Variants in CACNA1C observed in about 807,000 individuals in gnomAD.
CACNA1C encodes voltage-dependent L-type calcium channel subunit alpha-1C.
Under a neutral mutation model 229.0 loss-of-function variants are expected in CACNA1C, and 30 were observed. That is an observed-to-expected ratio of 0.13 (90% CI 0.10 to 0.18). The LOEUF (loss-of-function observed/expected upper bound fraction) is 0.18, where lower values mean the gene tolerates loss of function less well. CACNA1C is among the 10% of genes least tolerant of loss of function. CACNA1C has a pLI of 1.00. For synonymous variants in CACNA1C, 1,114 were observed against 1,132.5 expected (o/e 0.98, Z 0.33); for missense variants, 1,658 against 2,845.0 (o/e 0.58, Z 9.49).
At chr12:2,269,880 A>G (rs181469920) in intron 3 of CACNA1C, 4 of 152,234 alleles carry the variant, frequency 2.6e-5, no homozygotes, top group Admixed American at 1.3e-4. Context: ...TGGGAGGAGG[A>G]CCATGAGGGA....
At chr12:2,652,072 A>C (rs1336294989) in intron 32 of CACNA1C, among the ~76,000 whole-genome samples, 2 of 152,172 alleles carry the variant, frequency 1.3e-5, no homozygotes, top group East Asian at 3.9e-4. Context: ...ACAAGAATTT[A>C]CTGGACAAAG....
In CACNA1C at chr12:2,077,583, G is replaced by A. The variant is rs148683849; in HGVS notation, c.49+23972G>A. Among the ~76,000 whole-genome samples the A allele has an allele frequency of 7.2e-5, 11 of 152,284 alleles. 1 individual carries two copies. Among genetic ancestry groups the A allele is most frequent in the African/African-American group, 2.6e-4 (11 of 41,566 alleles). ...TGTTGTAGATATGAGTGTGAACAAA[G>A]GAGAGAATAGGTTCAAAATAGCTAA... On this transcript the variant is annotated intron_variant, in intron 1 of 46. Coordinates refer to ENST00000399655, the MANE Select transcript of CACNA1C (RefSeq NM_000719.7).
intron 3 of CACNA1C, among the ~76,000 whole-genome samples, chr12:2,355,738 G>A (rs1361960920): frequency 6.6e-6 from 1 of 152,198 alleles, no homozygotes; most frequent in African/African-American, 2.4e-5. Flanking sequence ...GCAGTGTGTG[G>A]AGACAGATTT....
intron 3 of CACNA1C, among the ~76,000 whole-genome samples, chr12:2,408,405 A>T (rs1370381362): frequency 6.6e-6 from 1 of 152,086 alleles, no homozygotes; most frequent in Non-Finnish European, 1.5e-5. Context: ...TATGTTATGT[A>T]TATTTTACCA....
chr12:2,258,174 G>T (rs996328430), intron 3 of CACNA1C, among the ~76,000 whole-genome samples: 1 of 152,170 alleles, frequency 6.6e-6, no homozygotes. Context: ...CTTATTTCTG[G>T]TTATTTGCCA....
intron 3 of CACNA1C, among the ~76,000 whole-genome samples, chr12:2,202,340 A>G (rs922245094): frequency 1.3e-5 from 2 of 152,158 alleles, no homozygotes; most frequent in African/African-American, 4.8e-5. Context: ...TCTTTTTCCT[A>G]ATTTCATGAA....
At chr12:2,417,416 T>C (rs1402495087) in intron 3 of CACNA1C, among the ~76,000 whole-genome samples, 1 of 152,186 alleles carries the variant, frequency 6.6e-6, no homozygotes, top group Non-Finnish European at 1.5e-5. Context: ...TGGGTGCTTT[T>C]AAAAACGCTA....
chr12:2,339,073 C>A (rs748157059), intron 3 of CACNA1C, among the ~76,000 whole-genome samples: 1 of 152,140 alleles, frequency 6.6e-6, no homozygotes, highest in Non-Finnish European at 1.5e-5. Flanking sequence ...CTAAGAAATG[C>A]GTTGTTAGGT....
rs1201417539 is a variant in CACNA1C at position 2,633,736 on chromosome 12, A to G, written c.3829-561A>G. 3.1e-6 allele frequency: 4 copies of G among 1,307,598 alleles called. No homozygotes were observed. The highest frequency in any genetic ancestry group is 1.7e-5 in the Admixed American group (1 of 59,252). 81.0% of individuals were successfully genotyped at this position (1,307,598 alleles called of 1,614,324 possible). ...ATGTGAGTATTACTCTGCCCTCCCC[A>G]GGAAACCTCCTCATTCCTCCTCCTC... On this transcript the variant is annotated intron_variant, in intron 29 of 46. Coordinates refer to ENST00000399655, the MANE Select transcript of CACNA1C (RefSeq NM_000719.7). The surrounding 1 kb of genome is among the most constrained non-coding windows in gnomAD (Gnocchi z 5.8).
intron 3 of CACNA1C, among the ~76,000 whole-genome samples, chr12:2,192,488 G>A (rs1598645763): frequency 6.6e-6 from 1 of 152,258 alleles, no homozygotes; most frequent in East Asian, 1.9e-4. Flanking sequence ...CTTCCACAGG[G>A]AGAGGGGCAG....
intron 3 of CACNA1C, among the ~76,000 whole-genome samples, chr12:2,358,968 A>G (rs2097475240): frequency 6.6e-6 from 1 of 152,056 alleles, no homozygotes; most frequent in South Asian, 2.1e-4. Flanking sequence ...GGTCTGCAGC[A>G]GCCACTGAAC....
At chr12:2,571,332 A>G (rs540033545) in intron 13 of CACNA1C, among the ~76,000 whole-genome samples, 6 of 152,228 alleles carry the variant, frequency 3.9e-5, no homozygotes, top group Admixed American at 2.6e-4. Flanking sequence ...GACTTAAAAG[A>G]TCTTTATGCC....
At chr12:2,609,810 G>T (rs985114562) in intron 27 of CACNA1C, among the ~76,000 whole-genome samples, 6 of 151,788 alleles carry the variant, frequency 4.0e-5, no homozygotes, top group Admixed American at 3.9e-4. Context: ...CCATCTTATG[G>T]ACACTGGCAA....
intron 12 of CACNA1C, among the ~76,000 whole-genome samples, chr12:2,567,267 A>G (rs1382449839): frequency 6.6e-6 from 1 of 152,122 alleles, no homozygotes; most frequent in Admixed American, 6.5e-5. Flanking sequence ...CTCCTTTCTC[A>G]TCTCTGAAAA....
chr12:2,162,427 G>T (rs1487632795), intron 3 of CACNA1C, among the ~76,000 whole-genome samples: 1 of 151,828 alleles, frequency 6.6e-6, no homozygotes, highest in African/African-American at 2.4e-5. Context: ...AGAAAGTTGG[G>T]GGAAATAGCA....
chr12:2,325,889 C>T (rs2096267764), intron 3 of CACNA1C, among the ~76,000 whole-genome samples: 1 of 152,118 alleles, frequency 6.6e-6, no homozygotes, highest in Middle Eastern at 3.2e-3. Context: ...ATAGGACTTC[C>T]TTCAGACATC....
chr12:2,461,921 C>T (rs922271832), intron 5 of CACNA1C, among the ~76,000 whole-genome samples: 6 of 152,188 alleles, frequency 3.9e-5, no homozygotes, highest in Admixed American at 1.3e-4. Flanking sequence ...CCGGACCTAA[C>T]ACGGCATTCA....
At chr12:2,395,219 T>A (rs2098549751) in intron 3 of CACNA1C, among the ~76,000 whole-genome samples, 1 of 150,950 alleles carries the variant, frequency 6.6e-6, no homozygotes, top group Non-Finnish European at 1.5e-5. Flanking sequence ...CTTTTTTTTT[T>A]TTTTTTTTTA....
Position 2,605,614 on chromosome 12 carries a change from C to G in CACNA1C, c.3049-65C>G. ...TGTGGCAAACGGGCTGCCCCTGCTA[C>G]CTCCTGGAAAGGCTCCTGGCATCTC... On this transcript the variant is annotated intron_variant, in intron 23 of 46. Coordinates refer to ENST00000399655, the MANE Select transcript of CACNA1C (RefSeq NM_000719.7). The surrounding 1 kb of genome is among the most constrained non-coding windows in gnomAD (Gnocchi z 6.2). 2 of 1,213,566 alleles carry G rather than the reference C, an allele frequency of 1.6e-6. No individual in the cohort carries two copies. Among genetic ancestry groups the G allele is most frequent in the Non-Finnish European group, 2.4e-6 (2 of 817,346 alleles). 75.2% of individuals were successfully genotyped at this position (1,213,566 alleles called of 1,614,324 possible).
Sources: gnomAD v4.1 joint callset for allele counts (sites outside exome capture counted in the v4.1 genomes callset) on GRCh38, gnomAD v4.1.1 for gene constraint, Gnocchi (gnomAD v3.1) non-coding constraint, MANE v1.5 for transcripts, NCBI Gene and HGNC (gene_info 2026-07-23, HGNC 2026-07-21) for gene names.